Variants in CACNA1C observed in about 807,000 individuals in gnomAD.
The protein encoded by CACNA1C is voltage-dependent L-type calcium channel subunit alpha-1C.
CACNA1C carries 30 observed loss-of-function variants against 229.0 expected under a neutral mutation model. The observed-to-expected ratio is 0.13, with a 90% confidence interval of 0.10 to 0.18. The LOEUF is 0.18. Ranked by LOEUF, CACNA1C falls within the 10% of genes least tolerant of loss-of-function variation. The probability of loss-of-function intolerance (pLI) is 1.00; values close to 1 mark genes in which losing one functional copy is unlikely to be tolerated. For synonymous variants in CACNA1C, 1,114 were observed against 1,132.5 expected (o/e 0.98, Z 0.33); for missense variants, 1,658 against 2,845.0 (o/e 0.58, Z 9.49).
intron 1 of CACNA1C, among the ~76,000 whole-genome samples, chr12:1,993,607 T>C (rs1003274476): frequency 6.7e-6 from 1 of 149,024 alleles, no homozygotes; most frequent in Non-Finnish European, 1.5e-5. Flanking sequence ...TTTGGTAAAA[T>C]TGAGTCATAC....
At chr12:2,559,797 G>A (rs559841198) in intron 11 of CACNA1C, among the ~76,000 whole-genome samples, 121 of 152,230 alleles carry the variant, frequency 7.9e-4, no homozygotes, top group African/African-American at 2.7e-3. Flanking sequence ...TAGTGTGTCC[G>A]CAGAGTGTGT....
chr12:2,511,571 TAC>T (rs35169529), intron 8 of CACNA1C, among the ~76,000 whole-genome samples: 68 of 149,356 alleles, frequency 4.6e-4, no homozygotes, highest in Admixed American at 6.7e-4. Flanking sequence ...CCTATGCATG[TAC>T]ACACACACAC....
At chr12:2,038,877 G>C (rs1340180319) in intron 1 of CACNA1C, among the ~76,000 whole-genome samples, 4 of 151,900 alleles carry the variant, frequency 2.6e-5, no homozygotes, top group South Asian at 2.1e-4. Flanking sequence ...CTGTGCCCAG[G>C]TATGTTGACA....
chr12:2,439,303 C>G (rs546853779), intron 3 of CACNA1C, among the ~76,000 whole-genome samples: 1 of 152,344 alleles, frequency 6.6e-6, no homozygotes, highest in East Asian at 1.9e-4. Flanking sequence ...GCCCTCTGTA[C>G]TGTTCAAACG....
intron 1 of CACNA1C, chr12:1,991,146 G>A (rs1483488831): frequency 8.8e-6 from 4 of 456,144 alleles, no homozygotes; most frequent in Non-Finnish European, 1.8e-5. Flanking sequence ...ATGTTTAATA[G>A]TAGAGCAGTA....
At position 2,003,324 on chromosome 12, in the gene CACNA1C, C is replaced by A. The variant is rs367896828; in HGVS notation, c.139+32123C>A. On this transcript the variant is annotated intron_variant, in intron 1 of 46. Coordinates refer to the CACNA1C transcript ENST00000682462. ...GTTTATACAACCGACTTGAAGAACA[C>A]AAAAAGTTTATCTGAAATCCATTCA... is the stretch of plus-strand genomic sequence containing the variant. Among the ~76,000 whole-genome samples the A allele has an allele frequency of 2.1e-4, 32 of 152,300 alleles. 1 individual carries two copies. In the East Asian group the frequency reaches 3.1e-3, roughly 15 times the overall value.
rs567405836 is a variant in CACNA1C, at chr12:2,596,485, TAAG to T, written c.2793+485_2793+487del. On this transcript the variant is annotated intron_variant, in intron 20 of 46. Transcript: ENST00000399655. ...TGGTGAACAATATTAAAGGCCAGTT[TAAG>T]AATTGCTCTATCTCAAAACCTCAAA... Among the ~76,000 whole-genome samples, 26 of 152,300 alleles carry T rather than the reference TAAG, an allele frequency of 1.7e-4. No homozygotes were observed. In the South Asian group the frequency reaches 5.4e-3, roughly 32 times the overall value.
At chr12:2,690,521 C>T (rs12367220) in intron 46 of CACNA1C, among the ~76,000 whole-genome samples, 3,032 of 152,262 alleles carry the variant, frequency 0.02, 46 homozygotes, top group Non-Finnish European at 0.03. Context: ...TTTGTAGAGA[C>T]GAAGTTTCCC....
rs1541452 is a variant in CACNA1C at position 2,493,013 on chromosome 12, G to A, written c.917-177G>A. 0.38 allele frequency among the ~76,000 whole-genome samples: 57,160 copies of A among 152,168 alleles called. 13,542 individuals carry two copies. Among genetic ancestry groups the A allele is most frequent in the African/African-American group, 0.68 (28,062 of 41,470 alleles). The stretch of plus-strand genomic sequence containing the variant: ...GCCTAAATGGAAAGCCTACTTTCTT[G>A]TGTTGCTTAATTCACATCTGGGGAC... On this transcript the variant is annotated intron_variant, in intron 6 of 46. Coordinates refer to ENST00000399655, the MANE Select transcript of CACNA1C (RefSeq NM_000719.7). This position sits in a 1 kb window ranked among gnomAD's most constrained non-coding sequence, Gnocchi z 4.6.
chr12:2,071,612 C>G (rs1290508520), intron 1 of CACNA1C, among the ~76,000 whole-genome samples: 3 of 152,112 alleles, frequency 2.0e-5, no homozygotes, highest in African/African-American at 7.2e-5. Flanking sequence ...ATTGATCTTT[C>G]TCATTTTACT....
intron 1 of CACNA1C, among the ~76,000 whole-genome samples, chr12:1,998,599 C>G (rs1346131808): frequency 6.6e-6 from 1 of 152,162 alleles, no homozygotes; most frequent in Non-Finnish European, 1.5e-5. Flanking sequence ...CAAGTTAGGA[C>G]TCAAGAAATC....
intron 1 of CACNA1C, among the ~76,000 whole-genome samples, chr12:2,008,121 A>T (rs1023360597): frequency 3.1e-4 from 47 of 151,958 alleles, no homozygotes; most frequent in African/African-American, 1.1e-3. Flanking sequence ...TTATTTATTT[A>T]TTTATTTATT....
At chr12:2,495,043 C>T (rs1257697155) in intron 7 of CACNA1C, among the ~76,000 whole-genome samples, 1 of 152,222 alleles carries the variant, frequency 6.6e-6, no homozygotes, top group Non-Finnish European at 1.5e-5. Flanking sequence ...GGCAAAGCTG[C>T]TGTGTTGTGA....
intron 6 of CACNA1C, among the ~76,000 whole-genome samples, chr12:2,491,623 A>T (rs1346592035): frequency 1.3e-5 from 2 of 148,252 alleles, no homozygotes; most frequent in South Asian, 2.2e-4. Flanking sequence ...GAAAGAGAGG[A>T]GAGGAGAAGA....
chr12:2,230,314 G>C (rs1273937302), intron 3 of CACNA1C, among the ~76,000 whole-genome samples: 1 of 152,212 alleles, frequency 6.6e-6, no homozygotes, highest in Non-Finnish European at 1.5e-5. Context: ...GCCAGGGCCT[G>C]CTGAGGGCAA....
intron 1 of CACNA1C, among the ~76,000 whole-genome samples, chr12:2,082,854 A>G (rs1039928256): frequency 7.9e-5 from 12 of 152,172 alleles, no homozygotes; most frequent in African/African-American, 2.9e-4. Context: ...GCTCAAGTCT[A>G]CTTTATATCG....
intron 1 of CACNA1C, among the ~76,000 whole-genome samples, chr12:2,106,406 G>A (rs2078603547): frequency 1.3e-5 from 1 of 76,428 alleles, no homozygotes; most frequent in Non-Finnish European, 3.0e-5. Flanking sequence ...CCTGAGCTGG[G>A]CGTCCTGAAG....
chr12:2,689,397 G>A lies in CACNA1C; in HGVS notation c.6117+618G>A, dbSNP rs1054248037. On this transcript the variant is annotated intron_variant, in intron 46 of 46. Coordinates refer to ENST00000399655, the MANE Select transcript of CACNA1C (RefSeq NM_000719.7). This position sits in a 1 kb window ranked among gnomAD's most constrained non-coding sequence, Gnocchi z 4.2. ...CTAGGAGAACCGTTTCAGGGAATTC[G>A]GGAAGAAAACCTGGAGAGGAGGTGA... Among the ~76,000 whole-genome samples the A allele has an allele frequency of 7.2e-5, 11 of 152,054 alleles. No individual in the cohort carries two copies. Among genetic ancestry groups the A allele is most frequent in the Non-Finnish European group, 2.9e-5 (2 of 68,008 alleles).
chr12:2,411,859 T>C (rs904971445), intron 3 of CACNA1C, among the ~76,000 whole-genome samples: 1 of 152,216 alleles, frequency 6.6e-6, no homozygotes, highest in Non-Finnish European at 1.5e-5. Flanking sequence ...ATTGCAGATG[T>C]CTGCTTCCTT....
Sources: allele counts gnomAD v4.1 joint callset (sites outside exome capture counted in the v4.1 genomes callset), GRCh38; gene constraint gnomAD v4.1.1; non-coding constraint Gnocchi (gnomAD v3.1); transcripts MANE v1.5; gene names NCBI Gene and HGNC (gene_info 2026-07-23, HGNC 2026-07-21).